Variants in UBE2F observed in about 807,000 individuals in gnomAD.
The protein encoded by UBE2F is NEDD8-conjugating enzyme UBE2F.
UBE2F carries 5 observed loss-of-function variants against 29.6 expected under a neutral mutation model. The ratio of observed to expected loss-of-function variants is 0.17; its 90% CI spans 0.09 to 0.36. UBE2F has a LOEUF of 0.36. UBE2F is among the 10% of genes least tolerant of loss of function. The pLI is 1.00. For missense variants in UBE2F, 141 were observed against 228.5 expected, an observed-to-expected ratio of 0.62 and a Z score of 2.47; for synonymous variants, 66 against 81.8, an observed-to-expected ratio of 0.81 and a Z score of 1.04.
chr2:238,022,325 G>C (rs906595263), intron 5 of UBE2F, among the ~76,000 whole-genome samples: 1 of 151,964 alleles, frequency 6.6e-6, no homozygotes, highest in East Asian at 1.9e-4. Context: ...CCACTAATAA[G>C]CTGTTTATAT....
chr2:238,017,089 A>T (rs957002609), intron 5 of UBE2F, among the ~76,000 whole-genome samples: 2 of 152,220 alleles, frequency 1.3e-5, no homozygotes, highest in Admixed American at 1.3e-4. Flanking sequence ...TTAGACAATA[A>T]TTATACCAAA....
intron 2 of UBE2F, among the ~76,000 whole-genome samples, chr2:237,978,076 C>T (rs2063316533): frequency 6.6e-6 from 1 of 152,196 alleles, no homozygotes; most frequent in Non-Finnish European, 1.5e-5. Context: ...AGCGCAAGCA[C>T]AAGCACAGCC....
intron 4 of UBE2F, among the ~76,000 whole-genome samples, chr2:238,000,216 C>T (rs1403852328): frequency 6.6e-6 from 1 of 152,000 alleles, no homozygotes; most frequent in Non-Finnish European, 1.5e-5. Context: ...TCTCATTTTT[C>T]TTGATCATGT....
At chr2:237,972,556 T>A (rs1160705027) in intron 1 of UBE2F, among the ~76,000 whole-genome samples, 29 of 145,884 alleles carry the variant, frequency 2.0e-4, no homozygotes, top group East Asian at 5.9e-4. Context: ...TTTTTTTTTT[T>A]TTTTTTTTTT....
intron 8 of UBE2F, among the ~76,000 whole-genome samples, chr2:238,034,493 C>T (rs1407447173): frequency 4.3e-4 from 65 of 152,122 alleles, no homozygotes; most frequent in Non-Finnish European, 1.0e-4. Flanking sequence ...TCTCAGTGCT[C>T]TAAGTAAATT....
At chr2:238,007,311 G>A (rs1576618402) in intron 4 of UBE2F, among the ~76,000 whole-genome samples, 1 of 151,320 alleles carries the variant, frequency 6.6e-6, no homozygotes, top group East Asian at 2.0e-4. Flanking sequence ...TAGTAGATAT[G>A]GCATTTCACC....
At chr2:238,014,657 G>A (rs2064115291) in intron 4 of UBE2F, among the ~76,000 whole-genome samples, 1 of 152,230 alleles carries the variant, frequency 6.6e-6, no homozygotes, top group Non-Finnish European at 1.5e-5. Flanking sequence ...CAGCGCGGGT[G>A]AAGCAGCATC....
Position 237,982,399 on chromosome 2 carries a change from C to G in UBE2F, c.119-5564C>G, listed in dbSNP as rs1442222665. 6.6e-6 allele frequency among the ~76,000 whole-genome samples: 1 copy of G among 152,202 alleles called. No homozygotes were observed. Among genetic ancestry groups the G allele is most frequent in the African/African-American group, 2.4e-5 (1 of 41,448 alleles). The stretch of plus-strand genomic sequence containing the variant: ...TTGTCCGTCTGTGCCCAGACCTCAC[C>G]TCTTCCCTTGTCACTAGACTGTCCT... On this transcript the variant is annotated intron_variant, in intron 2 of 9. Transcript: ENST00000272930. This position sits in a 1 kb window ranked among gnomAD's most constrained non-coding sequence, Gnocchi z 4.1.
In UBE2F at chr2:237,967,926, C is replaced by G. The variant is rs1047772935; in HGVS notation, c.-17+794C>G. 6.6e-6 allele frequency among the ~76,000 whole-genome samples: 1 copy of G among 152,106 alleles called. No individual in the cohort carries two copies. Among genetic ancestry groups the G allele is most frequent in the African/African-American group, 2.4e-5 (1 of 41,402 alleles). Reference sequence around the variant, plus strand: ...GGTCCCCCCACTCTGCATTCCCGACCGCCTGGAAGTGGGGGCAGGATGGGT... The same window carrying G: ...GGTCCCCCCACTCTGCATTCCCGACGGCCTGGAAGTGGGGGCAGGATGGGT... On this transcript the variant is annotated intron_variant, in intron 1 of 9. Transcript: ENST00000272930. The surrounding 1 kb of genome is among the most constrained non-coding windows in gnomAD (Gnocchi z 6.3).
At chr2:238,009,171 CT>C (rs1214280375) in intron 4 of UBE2F, among the ~76,000 whole-genome samples, 1 of 152,242 alleles carries the variant, frequency 6.6e-6, no homozygotes, top group Non-Finnish European at 1.5e-5. Context: ...CTTATCACTG[CT>C]TTCAGCAGTT....
chr2:238,013,029 A>G (rs1396940313), intron 4 of UBE2F, among the ~76,000 whole-genome samples: 1 of 152,146 alleles, frequency 6.6e-6, no homozygotes, highest in Non-Finnish European at 1.5e-5. Context: ...TAATCCCAGC[A>G]CTTTGGGGAG....
At chr2:237,995,914 A>G (rs1299057754) in intron 4 of UBE2F, among the ~76,000 whole-genome samples, 3 of 152,198 alleles carry the variant, frequency 2.0e-5, no homozygotes, top group African/African-American at 4.8e-5. Flanking sequence ...ATCATTATGT[A>G]TATATTTTTC....
chr2:238,022,351 A>G (rs951544030), intron 5 of UBE2F, among the ~76,000 whole-genome samples: 2 of 152,010 alleles, frequency 1.3e-5, no homozygotes, highest in African/African-American at 2.4e-5. Context: ...ATGAGCTGCT[A>G]TTATGTCCTT....
intron 4 of UBE2F, among the ~76,000 whole-genome samples, chr2:238,013,295 A>G (rs1368951292): frequency 6.6e-6 from 1 of 152,162 alleles, no homozygotes; most frequent in East Asian, 1.9e-4. Flanking sequence ...AAAGAAAGAA[A>G]TGGTTATAGA....
intron 5 of UBE2F, among the ~76,000 whole-genome samples, chr2:238,021,178 C>G (rs2064283498): frequency 6.6e-6 from 1 of 152,182 alleles, no homozygotes; most frequent in South Asian, 2.1e-4. Context: ...CACGTCTCCT[C>G]ACATGTTGTT....
At chr2:238,041,185 G>A (rs1020445814) in intron 9 of UBE2F, 103 bp from the exon 10 acceptor site, 1 of 1,149,614 alleles carries the variant, frequency 8.7e-7, no homozygotes, top group Admixed American at 1.8e-5. Context: ...CGACCACAGG[G>A]GACCTTGGTG....
At chr2:238,003,947 C>T (rs1046348749) in intron 4 of UBE2F, among the ~76,000 whole-genome samples, 2 of 152,182 alleles carry the variant, frequency 1.3e-5, no homozygotes, top group African/African-American at 4.8e-5. Context: ...CAATCATCGA[C>T]CTGATTTCTT....
rs549989741 is a variant in UBE2F at position 238,039,894 on chromosome 2, C to T, written c.508-1394C>T. The stretch of plus-strand genomic sequence containing the variant: ...TCATTTTACATCCTGTAAGCTTTTG[C>T]AGGGTCCTTGTGAGCTGCCAGTATT... On this transcript the variant is annotated intron_variant, in intron 9 of 9. Coordinates refer to ENST00000272930, the MANE Select transcript of UBE2F (RefSeq NM_080678.3). Among the ~76,000 whole-genome samples the T allele has an allele frequency of 2.6e-5, 4 of 152,276 alleles. No individual in the cohort carries two copies. The South Asian group carries it at 8.3e-4, about 32-fold the overall frequency.
chr2:238,017,732 C>G (rs2064193052), intron 5 of UBE2F, among the ~76,000 whole-genome samples: 1 of 152,180 alleles, frequency 6.6e-6, no homozygotes. Flanking sequence ...CTAACTAACC[C>G]TCTTGGCCCG....
Sources: allele counts gnomAD v4.1 joint callset (sites outside exome capture counted in the v4.1 genomes callset), GRCh38; gene constraint gnomAD v4.1.1; non-coding constraint Gnocchi (gnomAD v3.1); transcripts MANE v1.5; gene names NCBI Gene and HGNC (gene_info 2026-07-23, HGNC 2026-07-21).